TENM2: variants seen among roughly 807,000 people sequenced by gnomAD.
TENM2 encodes teneurin-2.
Under a neutral mutation model 245.2 loss-of-function variants are expected in TENM2, and 52 were observed. The observed-to-expected ratio is 0.21, with a 90% CI of 0.17 to 0.27. The LOEUF (loss-of-function observed/expected upper bound fraction) is 0.27. TENM2 is among the 10% of genes least tolerant of loss of function. TENM2 has a pLI of 1.00. For missense variants in TENM2, 3,046 were observed against 3,666.8 expected, an observed-to-expected ratio of 0.83 and a Z score of 4.37; for synonymous variants, 1,363 against 1,438.9, an observed-to-expected ratio of 0.95 and a Z score of 1.19.
chr5:168,027,921 A>G (rs1786771723), intron 5 of TENM2, among the ~76,000 whole-genome samples: 2 of 152,174 alleles, frequency 1.3e-5, no homozygotes, highest in Non-Finnish European at 2.9e-5. Context: ...ACGTCCACCT[A>G]TTGCTTTGTG....
intron 13 of TENM2, among the ~76,000 whole-genome samples, chr5:168,171,720 A>G (rs1011344736): frequency 4.3e-4 from 65 of 152,240 alleles, no homozygotes; most frequent in Admixed American, 4.1e-3. Flanking sequence ...TTAGATGACA[A>G]ATCAAATATC....
chr5:168,107,562 G>C (rs1045319819), intron 9 of TENM2, among the ~76,000 whole-genome samples: 1 of 152,090 alleles, frequency 6.6e-6, no homozygotes, highest in African/African-American at 2.4e-5. Context: ...TCCTGGGGGG[G>C]GGGTCTGATG....
intron 3 of TENM2, among the ~76,000 whole-genome samples, chr5:167,908,093 G>C (rs1776246090): frequency 6.6e-6 from 1 of 152,008 alleles, no homozygotes; most frequent in African/African-American, 2.4e-5. Flanking sequence ...TTTTTGACTA[G>C]AGCATTCCTT....
At chr5:168,074,474 A>G (rs779258674) in intron 7 of TENM2, among the ~76,000 whole-genome samples, 4 of 152,130 alleles carry the variant, frequency 2.6e-5, no homozygotes, top group Non-Finnish European at 5.9e-5. Context: ...CCGTCATGCA[A>G]AGGGAAAAAT....
chr5:167,832,794 C>T (rs1211958072), intron 2 of TENM2, among the ~76,000 whole-genome samples: 1 of 152,158 alleles, frequency 6.6e-6, no homozygotes, highest in Non-Finnish European at 1.5e-5. Context: ...TGCACTGGAG[C>T]CAGCTTGTAC....
the TENM2 span, among the ~76,000 whole-genome samples, chr5:167,017,456 C>T: frequency 1.8e-4 from 27 of 152,270 alleles, no homozygotes; most frequent in East Asian, 4.2e-3. Flanking sequence ...TCAACTCTGC[C>T]ATCACAGCAG....
Position 167,853,141 on chromosome 5 carries a change from T to A in TENM2, c.503-22845T>A, listed in dbSNP as rs996530151. 9.3e-5 allele frequency among the ~76,000 whole-genome samples: 14 copies of A among 150,250 alleles called. No homozygotes were observed. The East Asian group carries it at 1.6e-3, about 17-fold the overall frequency. ...CTCTACTAAAAAAATACAAAAAAAA[T>A]TAGCCGGGCGTGGTGGCGGGCGCCT... On this transcript the variant is annotated intron_variant, in intron 2 of 28. Transcript: ENST00000518659.
At chr5:168,239,182 G>A (rs1209769585) in intron 25 of TENM2, among the ~76,000 whole-genome samples, 1 of 152,034 alleles carries the variant, frequency 6.6e-6, no homozygotes, top group Non-Finnish European at 1.5e-5. Context: ...ACCCACAGCC[G>A]GGGCACCCCC....
At chr5:167,059,235 G>A in the TENM2 span, among the ~76,000 whole-genome samples, 4 of 152,062 alleles carry the variant, frequency 2.6e-5, no homozygotes, top group Admixed American at 6.6e-5. Context: ...AATAATAATG[G>A]ACAATTTAGG....
At chr5:168,260,598 A>G (rs898427967) in intron 28 of TENM2, among the ~76,000 whole-genome samples, 185 bp downstream of exon 30, 3 of 152,234 alleles carry the variant, frequency 2.0e-5, no homozygotes, top group African/African-American at 7.2e-5. Flanking sequence ...GGCACAGCAC[A>G]TATTTCTTCC....
chr5:168,124,966 C>T lies in TENM2; in HGVS notation c.2125C>T (p.Gln709Ter). ...GCTGGCGAGGGTCCAGTGCCCAGAC[C>T]AGTGCAGTGGGCATGGCACGTACCT... is the stretch of plus-strand genomic sequence containing the variant. Residue 709 changes from glutamine to a stop codon, truncating the protein, a stop_gained, in exon 11 of 29, where the codon CAG (glutamine) becomes TAG (stop). Transcript: ENST00000518659. LOFTEE classifies it high-confidence loss of function. 1 of 1,611,944 alleles carries T rather than the reference C, an allele frequency of 6.2e-7. No individual in the cohort carries two copies. The highest frequency in any genetic ancestry group is 2.2e-5 in the East Asian group (1 of 44,826).
intron 15 of TENM2, among the ~76,000 whole-genome samples, chr5:168,197,152 T>C (rs898801023): frequency 6.6e-6 from 1 of 152,216 alleles, no homozygotes; most frequent in East Asian, 1.9e-4. Flanking sequence ...GCAGTGTGCA[T>C]GCCCGATAAA....
the TENM2 span, among the ~76,000 whole-genome samples, chr5:167,167,629 G>A: frequency 1.9e-4 from 29 of 152,306 alleles, no homozygotes; most frequent in African/African-American, 7.0e-4. Flanking sequence ...AATGAAGACT[G>A]TCTTATGTGT....
intron 2 of TENM2, among the ~76,000 whole-genome samples, chr5:167,807,038 A>G (rs1245269520): frequency 6.8e-6 from 1 of 146,010 alleles, no homozygotes. Context: ...TAGTCCCTCT[A>G]GAGGTCAAGC....
At chr5:167,570,075 C>T (rs911869546) in intron 2 of TENM2, among the ~76,000 whole-genome samples, 6 of 152,092 alleles carry the variant, frequency 3.9e-5, no homozygotes, top group African/African-American at 1.4e-4. Context: ...AGAGAAAAGG[C>T]CGTTCTAAAC....
At chr5:167,954,861 C>G (rs147272517) in intron 4 of TENM2, among the ~76,000 whole-genome samples, 201 of 152,332 alleles carry the variant, frequency 1.3e-3, no homozygotes, top group Non-Finnish European at 2.2e-3. Flanking sequence ...TTTATCCAGT[C>G]TATCATGGAT....
intron 5 of TENM2, among the ~76,000 whole-genome samples, chr5:167,995,075 G>A (rs1783953004): frequency 6.6e-6 from 1 of 152,130 alleles, no homozygotes; most frequent in Non-Finnish European, 1.5e-5. Flanking sequence ...AGCACCACGG[G>A]GCCAGTGAGC....
At chr5:167,541,269 T>C (rs1313306702) in intron 2 of TENM2, among the ~76,000 whole-genome samples, 4 of 152,188 alleles carry the variant, frequency 2.6e-5, no homozygotes, top group Non-Finnish European at 5.9e-5. Context: ...TCTCTGTTCA[T>C]TCCAAATTCC....
the TENM2 span, among the ~76,000 whole-genome samples, chr5:167,145,048 A>T: frequency 2.6e-5 from 4 of 152,252 alleles, no homozygotes; most frequent in East Asian, 7.7e-4. Context: ...CGCTTTTGCC[A>T]CATCACCTTC....
Sources: gnomAD v4.1 joint callset for allele counts (sites outside exome capture counted in the v4.1 genomes callset) on GRCh38, gnomAD v4.1.1 for gene constraint, MANE v1.5 for transcripts, NCBI Gene and HGNC (gene_info 2026-07-23, HGNC 2026-07-21) for gene names.